The following CMIP variants were observed in gnomAD, a reference collection of about 807,000 sequenced individuals.
The protein encoded by CMIP is C-Maf-inducing protein.
CMIP carries 13 observed loss-of-function variants against 97.3 expected under a neutral mutation model. The ratio of observed to expected loss-of-function variants is 0.13; its 90% CI spans 0.09 to 0.21. CMIP has a LOEUF of 0.21. Among genes scored for constraint, CMIP ranks in the 10% least tolerant of loss-of-function variants. The probability of loss-of-function intolerance (pLI) is 1.00; values close to 1 mark genes in which losing one functional copy is unlikely to be tolerated. For synonymous variants in CMIP, 538 were observed against 436.3 expected, an observed-to-expected ratio of 1.23 and a Z score of -2.91; for missense variants, 847 against 1,024.9, an observed-to-expected ratio of 0.83 and a Z score of 2.37.
chr16:81,533,246 A>T (rs1270296557), intron 1 of CMIP, among the ~76,000 whole-genome samples: 1 of 152,084 alleles, frequency 6.6e-6, no homozygotes, highest in East Asian at 1.9e-4. Flanking sequence ...TTTCCCCATG[A>T]CTGTATCCCC....
At chr16:81,505,353 T>G (rs749778764) in intron 1 of CMIP, among the ~76,000 whole-genome samples, 3 of 152,218 alleles carry the variant, frequency 2.0e-5, no homozygotes, top group Non-Finnish European at 2.9e-5. Context: ...TTGTTTCGCT[T>G]CTGCCTGTTC....
At chr16:81,521,864 C>T (rs1401583999) in intron 1 of CMIP, among the ~76,000 whole-genome samples, 8 of 152,110 alleles carry the variant, frequency 5.3e-5, no homozygotes, top group Non-Finnish European at 8.8e-5. Context: ...CTGAGTGTTC[C>T]CTTGTCTTTT....
At chr16:81,648,833 T>G (rs2092395364) in intron 3 of CMIP, among the ~76,000 whole-genome samples, 2 of 135,330 alleles carry the variant, frequency 1.5e-5, no homozygotes, top group African/African-American at 2.8e-5. Flanking sequence ...CCTGAAGAGT[T>G]TAGGGAGCTA....
At chr16:81,569,145 A>T (rs1382668165) in intron 1 of CMIP, among the ~76,000 whole-genome samples, 2 of 152,148 alleles carry the variant, frequency 1.3e-5, no homozygotes, top group Non-Finnish European at 2.9e-5. Flanking sequence ...TCTAAATTGG[A>T]TGCTCTTGGG....
chr16:81,607,714 AAGCAGTTTCTTC>A (rs2091768097), intron 2 of CMIP, 22 bp downstream of exon 2: 1 of 1,610,472 alleles, frequency 6.2e-7, no homozygotes, highest in Non-Finnish European at 8.5e-7. Flanking sequence ...AAACATGAAC[AAGCAGTTTCTTC>A]TCCCTCATCT....
intron 2 of CMIP, among the ~76,000 whole-genome samples, chr16:81,608,286 G>A (rs953262812): frequency 1.1e-4 from 16 of 152,250 alleles, no homozygotes; most frequent in African/African-American, 3.4e-4. Flanking sequence ...AAGTAACTGG[G>A]AAGCCTTAGA....
chr16:81,474,529 G>T (rs573537078), intron 1 of CMIP, among the ~76,000 whole-genome samples: 2 of 152,200 alleles, frequency 1.3e-5, no homozygotes, highest in Non-Finnish European at 2.9e-5. Context: ...CCTCTGGTGG[G>T]AGGTGCTGCG....
intron 1 of CMIP, among the ~76,000 whole-genome samples, chr16:81,530,948 C>T (rs140701948): frequency 1.3e-5 from 2 of 152,318 alleles, no homozygotes; most frequent in South Asian, 2.1e-4. Flanking sequence ...AACTGTCGAA[C>T]GTAGCCACCA....
intron 1 of CMIP, among the ~76,000 whole-genome samples, chr16:81,549,997 G>A (rs958277473): frequency 7.2e-5 from 11 of 152,312 alleles, no homozygotes; most frequent in African/African-American, 2.4e-4. Flanking sequence ...ATTTAAATGC[G>A]CTCACCCGTG....
At position 81,461,616 on chromosome 16, in the gene CMIP, T is replaced by C. The variant is rs60898915; in HGVS notation, c.300+16075T>C. On this transcript the variant is annotated intron_variant, in intron 1 of 20. Coordinates refer to ENST00000537098, the MANE Select transcript of CMIP (RefSeq NM_198390.3). Reference sequence around the variant, plus strand: ...AAGGCCCAGAGTCGTTAAATGACCCTCAAGGGAGCCAGTGGGATTTTTTTG... The same window carrying C: ...AAGGCCCAGAGTCGTTAAATGACCCCCAAGGGAGCCAGTGGGATTTTTTTG... 0.022 allele frequency among the ~76,000 whole-genome samples: 3,300 copies of C among 151,590 alleles called. 213 individuals carry two copies. In the East Asian group the frequency reaches 0.28, roughly 13 times the overall value.
chr16:81,545,522 G>T (rs184761969), intron 1 of CMIP, among the ~76,000 whole-genome samples: 160 of 152,252 alleles, frequency 1.1e-3, no homozygotes, highest in African/African-American at 3.6e-3. Flanking sequence ...TCTATGAATG[G>T]CATTTAATCC....
chr16:81,626,477 G>A (rs1387812976), intron 3 of CMIP, among the ~76,000 whole-genome samples: 2 of 150,060 alleles, frequency 1.3e-5, no homozygotes, highest in African/African-American at 4.9e-5. Flanking sequence ...GTGGCATGTG[G>A]GGTGACTTTT....
intron 1 of CMIP, among the ~76,000 whole-genome samples, chr16:81,457,125 G>A: frequency 6.6e-6 from 1 of 151,952 alleles, no homozygotes; most frequent in South Asian, 2.1e-4. Flanking sequence ...GCTTCCCCAT[G>A]CCTCTGACCT....
chr16:81,699,939 G>T, intron 15 of CMIP, 138 bp downstream of exon 15: 1 of 610,086 alleles, frequency 1.6e-6, no homozygotes. Context: ...CAGCCGTCCT[G>T]AGCTTAGTGG....
intron 19 of CMIP, among the ~76,000 whole-genome samples, 177 bp downstream of exon 19, chr16:81,705,781 A>G (rs542959367): frequency 6.6e-6 from 1 of 152,384 alleles, no homozygotes; most frequent in South Asian, 2.1e-4. Context: ...TGTGCCAGGA[A>G]CAACACAGGG....
chr16:81,532,799 C>G (rs2090264927), intron 1 of CMIP, among the ~76,000 whole-genome samples: 1 of 152,210 alleles, frequency 6.6e-6, no homozygotes, highest in Admixed American at 6.5e-5. Flanking sequence ...TGGCTGATCT[C>G]TCAATGATTA....
intron 9 of CMIP, among the ~76,000 whole-genome samples, chr16:81,675,146 A>G (rs1049271067): frequency 6.6e-6 from 1 of 152,154 alleles, no homozygotes; most frequent in Non-Finnish European, 1.5e-5. Context: ...GGAGAGAACC[A>G]CATGGAAAGG....
intron 20 of CMIP, among the ~76,000 whole-genome samples, chr16:81,707,302 A>G (rs545759204): frequency 1.3e-5 from 2 of 152,258 alleles, no homozygotes; most frequent in Non-Finnish European, 2.9e-5. Context: ...GTGATCAGGG[A>G]TGGTGCCTTT....
intron 3 of CMIP, among the ~76,000 whole-genome samples, chr16:81,629,582 G>T (rs893863562): frequency 6.6e-6 from 1 of 152,086 alleles, no homozygotes. Context: ...ACCTTTTTAC[G>T]ATCACTTCAA....
Sources: allele counts gnomAD v4.1 joint callset (sites outside exome capture counted in the v4.1 genomes callset), GRCh38; gene constraint gnomAD v4.1.1; transcripts MANE v1.5; gene names NCBI Gene and HGNC (gene_info 2026-07-23, HGNC 2026-07-21).